ELMO1: variants seen among roughly 807,000 people sequenced by gnomAD.
The protein encoded by ELMO1 is engulfment and cell motility protein 1.
A neutral mutation model predicts 98.9 loss-of-function variants in ELMO1; 26 were observed. That is an observed-to-expected ratio of 0.26 (90% CI 0.19 to 0.36). The LOEUF is 0.36. ELMO1 is among the 10% of genes least tolerant of loss of function. The pLI is 1.00. For synonymous variants in ELMO1, 346 were observed against 346.0 expected (o/e 1.00, Z 0.00); for missense variants, 627 against 935.2 (o/e 0.67, Z 4.30).
chr7:36,928,023 G>A (rs1785720428), intron 16 of ELMO1, among the ~76,000 whole-genome samples: 3 of 152,110 alleles, frequency 2.0e-5, no homozygotes, highest in South Asian at 4.1e-4. Context: ...ATCGCTTTGT[G>A]CTTTAGCATT....
At position 36,864,149 on chromosome 7, in the gene ELMO1, G is replaced by A. The variant is rs751695650; in HGVS notation, c.1906-2413C>T. On this transcript the variant is annotated intron_variant, in intron 20 of 21. Transcript: ENST00000310758. ...ATCACGTGGCTGATCACCCCTTGCT[G>A]ACAAGAGCCGGTGTGAACAGCACTG... Among the ~76,000 whole-genome samples, 3 of 152,228 alleles carry A rather than the reference G, an allele frequency of 2.0e-5. No homozygotes were observed. The South Asian group carries it at 6.2e-4, about 31-fold the overall frequency.
intron 16 of ELMO1, among the ~76,000 whole-genome samples, chr7:36,934,125 T>G (rs1378728403): frequency 1.3e-5 from 2 of 152,144 alleles, no homozygotes; most frequent in African/African-American, 4.8e-5. Flanking sequence ...GGAGGGAATT[T>G]GCAAGGGAGA....
intron 2 of ELMO1, among the ~76,000 whole-genome samples, chr7:37,331,286 C>G (rs1456581423): frequency 4.6e-5 from 7 of 150,546 alleles, no homozygotes; most frequent in African/African-American, 1.7e-4. Context: ...TCTCCTGCCT[C>G]AGCCTCCCGA....
At chr7:37,390,542 CCCTACCTGT>C (rs1334882270) in intron 1 of ELMO1, among the ~76,000 whole-genome samples, 1 of 152,122 alleles carries the variant, frequency 6.6e-6, no homozygotes, top group Admixed American at 6.5e-5. Context: ...CAGACTCAGG[CCCTACCTGT>C]TTTGAATAGC....
At chr7:37,096,082 T>C (rs1043483054) in intron 15 of ELMO1, among the ~76,000 whole-genome samples, 1 of 152,216 alleles carries the variant, frequency 6.6e-6, no homozygotes, top group Non-Finnish European at 1.5e-5. Context: ...TTTTGTGATA[T>C]AAGAAAAAGA....
At chr7:37,249,955 G>A (rs1239120373) in intron 6 of ELMO1, among the ~76,000 whole-genome samples, 2 of 152,106 alleles carry the variant, frequency 1.3e-5, no homozygotes, top group East Asian at 3.9e-4. Context: ...GGTGGCACCT[G>A]TAGTCCCTAC....
intron 13 of ELMO1, among the ~76,000 whole-genome samples, chr7:37,188,336 T>C (rs6462736): frequency 0.55 from 82,704 of 150,970 alleles, 24,024 homozygotes; most frequent in East Asian, 0.65. Context: ...TATCCTTCAT[T>C]ACATGAAGTT....
intron 13 of ELMO1, among the ~76,000 whole-genome samples, chr7:37,198,177 C>T (rs1421219181): frequency 6.6e-6 from 1 of 152,158 alleles, no homozygotes; most frequent in Non-Finnish European, 1.5e-5. Context: ...AAAAGTCCTG[C>T]ACTGCTAAGC....
In ELMO1 at chr7:37,226,370, C is replaced by A. The variant is rs190825581; in HGVS notation, c.550-1340G>T. On this transcript the variant is annotated intron_variant, in intron 8 of 21. Coordinates refer to ENST00000310758, the MANE Select transcript of ELMO1 (RefSeq NM_014800.11). Reference sequence around the variant, plus strand: ...TGGCAAGCCCTTGACTTATTCCTCGCAGTCTGCTCCAATCCACCAAATCTA... The same window carrying A: ...TGGCAAGCCCTTGACTTATTCCTCGAAGTCTGCTCCAATCCACCAAATCTA... 3.3e-5 allele frequency among the ~76,000 whole-genome samples: 5 copies of A among 152,280 alleles called. No individual in the cohort carries two copies. In the East Asian group the frequency reaches 9.6e-4, roughly 29 times the overall value.
intron 5 of ELMO1, 32 bp downstream of exon 5, chr7:37,271,800 T>TTC (rs1309656665): frequency 1.2e-6 from 2 of 1,609,294 alleles, no homozygotes; most frequent in Admixed American, 3.4e-5. Context: ...AGCAAAGAGT[T>TTC]TGCTGGAAGT....
At chr7:37,056,524 GT>G (rs1470202736) in intron 15 of ELMO1, among the ~76,000 whole-genome samples, 2 of 152,172 alleles carry the variant, frequency 1.3e-5, no homozygotes, top group African/African-American at 4.8e-5. Context: ...TAATCCATCA[GT>G]TTTTGAAGAG....
chr7:37,394,269 G>A (rs1484358230), intron 1 of ELMO1, among the ~76,000 whole-genome samples: 1 of 152,146 alleles, frequency 6.6e-6, no homozygotes, highest in Non-Finnish European at 1.5e-5. Flanking sequence ...CAGCACCAAG[G>A]AGCAGCTCAA....
intron 16 of ELMO1, among the ~76,000 whole-genome samples, chr7:36,995,112 A>G (rs1452237059): frequency 6.6e-6 from 1 of 152,232 alleles, no homozygotes; most frequent in Non-Finnish European, 1.5e-5. Flanking sequence ...GATGGGGAAC[A>G]TTAAAGACAT....
At chr7:37,151,345 C>T (rs980696163) in intron 13 of ELMO1, among the ~76,000 whole-genome samples, 10 of 152,142 alleles carry the variant, frequency 6.6e-5, no homozygotes, top group African/African-American at 1.9e-4. Flanking sequence ...CTTCACAGTT[C>T]GTCAGGGGGA....
At chr7:36,878,742 C>A (rs571511235) in intron 18 of ELMO1, among the ~76,000 whole-genome samples, 232 of 152,298 alleles carry the variant, frequency 1.5e-3, no homozygotes, top group Non-Finnish European at 2.7e-3. Context: ...TCTCCAATTC[C>A]CAGAATTTAC....
rs182170561 is a variant in ELMO1 at position 36,908,485 on chromosome 7, C to A, written c.1438-13468G>T. 4.3e-3 allele frequency among the ~76,000 whole-genome samples: 657 copies of A among 151,246 alleles called. 8 individuals carry two copies. Among genetic ancestry groups the A allele is most frequent in the African/African-American group, 0.016 (643 of 41,214 alleles). On this transcript the variant is annotated intron_variant, in intron 16 of 21. Coordinates refer to ENST00000310758, the MANE Select transcript of ELMO1 (RefSeq NM_014800.11). ...TGTTTATTAAAAACAAAATGATTTC[C>A]AAAAGGATATAATTTGTATTAGAGT...
At chr7:37,031,869 T>A (rs945026479) in intron 15 of ELMO1, among the ~76,000 whole-genome samples, 1 of 152,178 alleles carries the variant, frequency 6.6e-6, no homozygotes, top group Non-Finnish European at 1.5e-5. Flanking sequence ...TAGTGACAGT[T>A]AATCATTAAA....
intron 4 of ELMO1, among the ~76,000 whole-genome samples, chr7:37,285,618 A>G (rs74615615): frequency 0.016 from 2,421 of 152,340 alleles, 65 homozygotes; most frequent in East Asian, 0.099. Flanking sequence ...TTCATGCACT[A>G]AGTACTGGTG....
intron 15 of ELMO1, 171 bp from the exon 16 acceptor site, chr7:37,013,606 C>T (rs1584514945): frequency 2.7e-6 from 2 of 732,572 alleles, no homozygotes; most frequent in Non-Finnish European, 4.3e-6. Flanking sequence ...CCCCATACAA[C>T]TCGGAAGTTT....
Sources: allele counts gnomAD v4.1 joint callset (sites outside exome capture counted in the v4.1 genomes callset), GRCh38; gene constraint gnomAD v4.1.1; transcripts MANE v1.5; gene names NCBI Gene and HGNC (gene_info 2026-07-23, HGNC 2026-07-21).